CRY1: variants seen among roughly 807,000 people sequenced by gnomAD.
CRY1 encodes cryptochrome-1.
Under a neutral mutation model 76.0 loss-of-function variants are expected in CRY1, and 45 were observed. The observed-to-expected ratio is 0.59, with a 90% CI of 0.47 to 0.76. CRY1 has a LOEUF of 0.76. Among genes scored for constraint, CRY1 ranks in the 30% least tolerant of loss-of-function variants. The pLI is 0.00. For missense variants in CRY1, 587 were observed against 716.4 expected (o/e 0.82, Z 2.06); for synonymous variants, 248 against 244.0 (o/e 1.02, Z -0.15).
In CRY1 at chr12:107,081,785, G is replaced by A. The variant is rs572535102; in HGVS notation, c.158+11019C>T. 3.3e-5 allele frequency among the ~76,000 whole-genome samples: 5 copies of A among 152,096 alleles called. No individual in the cohort carries two copies. The East Asian group carries it at 7.7e-4, about 23-fold the overall frequency. ...ATCCTCAATGCTACAGTATTAAGAG[G>A]TGGGGCATTTAGGAAGTTATTTGGT... is the stretch of plus-strand genomic sequence containing the variant. On this transcript the variant is annotated intron_variant, in intron 1 of 12. Coordinates refer to ENST00000008527, the MANE Select transcript of CRY1 (RefSeq NM_004075.5).
chr12:107,003,430 T>A (rs181159619), intron 3 of CRY1, among the ~76,000 whole-genome samples: 1 of 152,246 alleles, frequency 6.6e-6, no homozygotes, highest in East Asian at 1.9e-4. Flanking sequence ...ACCAGGAGAG[T>A]TAAGTAAACT....
chr12:107,033,773 T>A (rs1952704255), intron 1 of CRY1, among the ~76,000 whole-genome samples: 1 of 150,768 alleles, frequency 6.6e-6, no homozygotes, highest in Non-Finnish European at 1.5e-5. Flanking sequence ...GAAAACAGCA[T>A]ATGTAATAGT....
chr12:106,992,749 C>G, intron 12 of CRY1, 38 bp downstream of exon 12: 2 of 1,494,730 alleles, frequency 1.3e-6, no homozygotes, highest in South Asian at 2.3e-5. Context: ...TAATTATATA[C>G]TCTTCTAAAG....
At chr12:107,044,571 C>G (rs1341616210) in intron 1 of CRY1, among the ~76,000 whole-genome samples, 1 of 152,176 alleles carries the variant, frequency 6.6e-6, no homozygotes, top group Non-Finnish European at 1.5e-5. Flanking sequence ...GACAACTGTT[C>G]TACCAGATGC....
chr12:107,070,867 A>AT (rs59675852), intron 1 of CRY1, among the ~76,000 whole-genome samples: 24 of 135,258 alleles, frequency 1.8e-4, no homozygotes, highest in South Asian at 4.8e-4. Context: ...TGCCTGGCTA[A>AT]TTTTTTTTTT....
intron 1 of CRY1, among the ~76,000 whole-genome samples, chr12:107,084,703 T>C (rs944004801): frequency 2.0e-4 from 31 of 152,070 alleles, no homozygotes; most frequent in African/African-American, 7.0e-4. Flanking sequence ...ATGTAAAACC[T>C]AAAACCATAA....
At chr12:107,017,360 T>C (rs901909368) in intron 2 of CRY1, among the ~76,000 whole-genome samples, 5 of 152,274 alleles carry the variant, frequency 3.3e-5, no homozygotes, top group Non-Finnish European at 5.9e-5. Flanking sequence ...CTTCCCCATG[T>C]TGCAGTTAGC....
At position 107,092,830 on chromosome 12, in the gene CRY1, G is replaced by A. The variant is rs1430453857; in HGVS notation, c.132C>T (p.Ser44=). Reference sequence around the variant, plus strand: ...GCCACCTGTTGATGCCCACATTGGAGGAGCCGGCGAACCAGGGGTCCAGGA... The same window carrying A: ...GCCACCTGTTGATGCCCACATTGGAAGAGCCGGCGAACCAGGGGTCCAGGA... The part of the protein sequence containing the change: ...VYILDPWFAG[S]SNVGINRWRF... Residue 44 remains serine (S), a synonymous_variant, in exon 1 of 13, where the codon TCC becomes TCT. Transcript: ENST00000008527. The A allele has an allele frequency of 1.9e-6, 3 of 1,611,658 alleles. No homozygotes were observed. Among genetic ancestry groups the A allele is most frequent in the Non-Finnish European group, 2.5e-6 (3 of 1,179,808 alleles).
intron 2 of CRY1, among the ~76,000 whole-genome samples, chr12:107,006,638 CTT>C (rs1555275228): frequency 8.0e-5 from 11 of 137,078 alleles, no homozygotes; most frequent in Non-Finnish European, 7.7e-5. Context: ...TATTAGTAAT[CTT>C]TTTTTTTTTT....
At chr12:107,072,604 T>C (rs977413607) in intron 1 of CRY1, among the ~76,000 whole-genome samples, 10 of 152,216 alleles carry the variant, frequency 6.6e-5, no homozygotes, top group Admixed American at 4.6e-4. Flanking sequence ...CATGATCTCA[T>C]TGTTAAAATT....
At chr12:107,032,821 T>G (rs189532442) in intron 1 of CRY1, among the ~76,000 whole-genome samples, 85 of 152,290 alleles carry the variant, frequency 5.6e-4, no homozygotes, top group Non-Finnish European at 9.4e-4. Context: ...TTGGTATCAT[T>G]TATATGTTTT....
intron 1 of CRY1, among the ~76,000 whole-genome samples, chr12:107,034,645 T>C (rs1226430306): frequency 6.6e-6 from 1 of 152,094 alleles, no homozygotes; most frequent in Non-Finnish European, 1.5e-5. Context: ...TTCAGAAATA[T>C]GGGGAAGAAT....
intron 5 of CRY1, among the ~76,000 whole-genome samples, chr12:107,000,618 G>T (rs1593493837): frequency 6.6e-6 from 1 of 151,204 alleles, no homozygotes; most frequent in Non-Finnish European, 1.5e-5. Context: ...CCAAAGTGTT[G>T]GGATTACAGG....
intron 1 of CRY1, among the ~76,000 whole-genome samples, chr12:107,034,817 A>T (rs183795486): frequency 1.3e-5 from 2 of 152,338 alleles, no homozygotes; most frequent in African/African-American, 4.8e-5. Flanking sequence ...ACAGAAAAAA[A>T]TAAATACATA....
chr12:107,010,022 T>C (rs372898867), intron 2 of CRY1, among the ~76,000 whole-genome samples: 58 of 152,160 alleles, frequency 3.8e-4, no homozygotes, highest in African/African-American at 1.3e-3. Flanking sequence ...TTGAAGTTTG[T>C]TTATGGGAAG....
chr12:107,071,530 T>C (rs1953190487), intron 1 of CRY1, among the ~76,000 whole-genome samples: 6 of 152,224 alleles, frequency 3.9e-5, no homozygotes. Flanking sequence ...TATATATCAC[T>C]GAAGTCACAT....
At position 107,068,139 on chromosome 12, in the gene CRY1, T is replaced by C. The variant is rs535310529; in HGVS notation, c.158+24665A>G. Reference sequence around the variant, plus strand: ...CATCCTAATTAGTTTCATGCTACAATAGGAGAGGTGGGTAGCTGAGAGAGA... The same window carrying C: ...CATCCTAATTAGTTTCATGCTACAACAGGAGAGGTGGGTAGCTGAGAGAGA... On this transcript the variant is annotated intron_variant, in intron 1 of 12. Coordinates refer to ENST00000008527, the MANE Select transcript of CRY1 (RefSeq NM_004075.5). Among the ~76,000 whole-genome samples the C allele has an allele frequency of 5.9e-5, 9 of 152,276 alleles. No individual in the cohort carries two copies. In the South Asian group the frequency reaches 1.2e-3, roughly 21 times the overall value.
At chr12:107,084,867 T>C (rs1953376950) in intron 1 of CRY1, among the ~76,000 whole-genome samples, 2 of 151,786 alleles carry the variant, frequency 1.3e-5, no homozygotes, top group Admixed American at 1.3e-4. Context: ...AAAGAAACCA[T>C]CATCAGAGTG....
In CRY1 at chr12:107,089,029, T is replaced by C. The variant is rs186085087; in HGVS notation, c.158+3775A>G. 1.1e-4 allele frequency among the ~76,000 whole-genome samples: 17 copies of C among 152,328 alleles called. No homozygotes were observed. The East Asian group carries it at 1.9e-3, about 17-fold the overall frequency. On this transcript the variant is annotated intron_variant, in intron 1 of 12. Transcript: ENST00000008527. ...AATTTTGTGACTGGCTTCTTTCGTT[T>C]AGTTTGTTTTTAAGGTTCATTCATA...
Sources: gnomAD v4.1 joint callset for allele counts (sites outside exome capture counted in the v4.1 genomes callset) on GRCh38, gnomAD v4.1.1 for gene constraint, MANE v1.5 for transcripts, NCBI Gene and HGNC (gene_info 2026-07-23, HGNC 2026-07-21) for gene names.